SMARCC1: variants seen among roughly 807,000 people sequenced by gnomAD.
SMARCC1 encodes SWI/SNF related BAF chromatin remodeling complex subunit C1.
A neutral mutation model predicts 147.4 loss-of-function variants in SMARCC1; 43 were observed. That is an observed-to-expected ratio of 0.29 (90% CI 0.23 to 0.38). The LOEUF (loss-of-function observed/expected upper bound fraction) is 0.38, where lower values mean the gene tolerates loss of function less well. SMARCC1 is among the 10% of genes least tolerant of loss of function. The pLI, the probability that SMARCC1 is intolerant of heterozygous loss-of-function variation, is 1.00. For missense variants in SMARCC1, 1,119 were observed against 1,381.1 expected (o/e 0.81, Z 3.01); for synonymous variants, 495 against 484.4 (o/e 1.02, Z -0.29).
intron 14 of SMARCC1, among the ~76,000 whole-genome samples, chr3:47,685,286 T>C (rs1292093166): frequency 6.6e-6 from 1 of 152,192 alleles, no homozygotes; most frequent in Non-Finnish European, 1.5e-5. Context: ...GGCATGAAAC[T>C]GCAAGATTTC....
At chr3:47,697,768 G>A (rs1408475779) in intron 11 of SMARCC1, among the ~76,000 whole-genome samples, 1 of 151,656 alleles carries the variant, frequency 6.6e-6, no homozygotes, top group Non-Finnish European at 1.5e-5. Flanking sequence ...AGCACTTTGG[G>A]AGGCCAAGGC....
chr3:47,732,351 A>G (rs941406919), intron 5 of SMARCC1, among the ~76,000 whole-genome samples: 7 of 152,210 alleles, frequency 4.6e-5, no homozygotes, highest in Admixed American at 3.9e-4. Flanking sequence ...AAACTTTCTC[A>G]GTATCAGCAA....
At chr3:47,749,072 T>G (rs979813826) in intron 2 of SMARCC1, among the ~76,000 whole-genome samples, 3 of 148,516 alleles carry the variant, frequency 2.0e-5, no homozygotes, top group Non-Finnish European at 4.5e-5. Flanking sequence ...GGAGGCCGAG[T>G]TGGGTTGATC....
intron 1 of SMARCC1, among the ~76,000 whole-genome samples, chr3:47,780,253 C>CT (rs1475404370): frequency 2.2e-5 from 3 of 137,574 alleles, no homozygotes; most frequent in Non-Finnish European, 4.6e-5. Flanking sequence ...CTCACTGCAG[C>CT]TTCTGCCTCC....
intron 2 of SMARCC1, among the ~76,000 whole-genome samples, chr3:47,767,383 G>A (rs1201213504): frequency 1.4e-5 from 2 of 146,722 alleles, no homozygotes; most frequent in African/African-American, 5.0e-5. Flanking sequence ...TGGGATTACA[G>A]GCATGTACCA....
chr3:47,637,316 T>TTTA (rs1327740170), intron 22 of SMARCC1, among the ~76,000 whole-genome samples: 22 of 152,322 alleles, frequency 1.4e-4, no homozygotes, highest in African/African-American at 5.1e-4. Flanking sequence ...TATATACAAT[T>TTTA]TTAGAATACC....
In SMARCC1 at chr3:47,745,492, T is replaced by A. The variant is rs902572094; in HGVS notation, c.401+416A>T. 8.6e-5 allele frequency among the ~76,000 whole-genome samples: 13 copies of A among 151,716 alleles called. No homozygotes were observed. The South Asian group carries it at 1.0e-3, about 12-fold the overall frequency. The stretch of plus-strand genomic sequence containing the variant: ...CTTTGGGAGGCTGAGATGGGTGGAG[T>A]GCTTGAGGCCAGGAGTTTGAGAGCA... On this transcript the variant is annotated intron_variant, in intron 3 of 27. Transcript: ENST00000254480.
At chr3:47,749,058 T>G (rs2034598529) in intron 2 of SMARCC1, among the ~76,000 whole-genome samples, 1 of 152,138 alleles carries the variant, frequency 6.6e-6, no homozygotes, top group Non-Finnish European at 1.5e-5. Context: ...ATCCCAGCAC[T>G]TTGGGAGGCC....
intron 6 of SMARCC1, among the ~76,000 whole-genome samples, chr3:47,722,528 C>A (rs1017895236): frequency 2.6e-5 from 4 of 151,860 alleles, no homozygotes; most frequent in Non-Finnish European, 5.9e-5. Flanking sequence ...AACTCCTGAC[C>A]TCAGGTGATC....
intron 26 of SMARCC1, among the ~76,000 whole-genome samples, chr3:47,598,583 A>T (rs2032335849): frequency 6.6e-6 from 1 of 152,046 alleles, no homozygotes; most frequent in Non-Finnish European, 1.5e-5. Flanking sequence ...TAATCCCAGT[A>T]CTTTGGGAGG....
At chr3:47,688,282 T>C (rs2106771604) in intron 13 of SMARCC1, among the ~76,000 whole-genome samples, 1 of 144,588 alleles carries the variant, frequency 6.9e-6, no homozygotes, top group East Asian at 2.1e-4. Context: ...CAAAAAGAAG[T>C]GGCTCTTTGA....
intron 24 of SMARCC1, among the ~76,000 whole-genome samples, chr3:47,624,166 CT>C (rs1198755894): frequency 6.6e-6 from 1 of 151,962 alleles, no homozygotes; most frequent in African/African-American, 2.4e-5. Flanking sequence ...TGGTGCATGT[CT>C]GTAATCCCAG....
intron 10 of SMARCC1, 129 bp from the exon 11 acceptor site, chr3:47,701,531 T>C: frequency 1.1e-6 from 1 of 905,940 alleles, no homozygotes; most frequent in Non-Finnish European, 1.7e-6. Context: ...AGACAAACAG[T>C]AGGTCGGTCG....
intron 21 of SMARCC1, among the ~76,000 whole-genome samples, chr3:47,652,558 G>T (rs955361536): frequency 1.3e-5 from 2 of 151,390 alleles, no homozygotes; most frequent in Non-Finnish European, 2.9e-5. Flanking sequence ...GAGAGATTTA[G>T]GTTAAATTTC....
intron 26 of SMARCC1, among the ~76,000 whole-genome samples, chr3:47,596,149 T>C (rs2032276591): frequency 6.6e-6 from 1 of 152,076 alleles, no homozygotes. Flanking sequence ...GAGTCATGCA[T>C]GTAGAACAAG....
chr3:47,603,654 G>A, intron 26 of SMARCC1: 1 of 207,842 alleles, frequency 4.8e-6, no homozygotes, highest in Non-Finnish European at 9.8e-6. Flanking sequence ...ATCTGGAATG[G>A]CAGTCTTATA....
At position 47,596,879 on chromosome 3, in the gene SMARCC1, TTTTTA is replaced by T. The variant is rs879723032; in HGVS notation, c.3044-6047_3044-6043del. ...GCACTCTGCAAGTTCCTTCTTTTTT[TTTTTA>T]TTTTATTTTTTTAAAAGAGATGAGG... On this transcript the variant is annotated intron_variant, in intron 26 of 27. Transcript: ENST00000254480. 2.6e-5 allele frequency among the ~76,000 whole-genome samples: 4 copies of T among 152,142 alleles called. No homozygotes were observed. The South Asian group carries it at 6.2e-4, about 24-fold the overall frequency.
rs770285238 is a variant in SMARCC1 at position 47,693,263 on chromosome 3, T to C, written c.1203A>G (p.Lys401=). Residue 401 remains lysine, a synonymous_variant, in exon 12 of 28, where the codon AAA becomes AAG. Coordinates refer to ENST00000254480, the MANE Select transcript of SMARCC1 (RefSeq NM_003074.4). ...LKKDSENTPV[K]GGTVADLDEQ... ...TACCTAGATCCGCTACAGTTCCTCC[T>C]TTAACAGGTGTATTTTCACTATCTT... The C allele has an allele frequency of 5.3e-5, 85 of 1,590,798 alleles. 1 individual carries two copies. Among genetic ancestry groups the C allele is most frequent in the South Asian group, 8.8e-5 (8 of 90,554 alleles).
chr3:47,660,570 T>C (rs2033332385), intron 21 of SMARCC1, among the ~76,000 whole-genome samples: 3 of 151,794 alleles, frequency 2.0e-5, no homozygotes, highest in Non-Finnish European at 4.4e-5. Context: ...TACTGATGCA[T>C]GCTACAGCAT....
Sources: gnomAD v4.1 joint callset for allele counts (sites outside exome capture counted in the v4.1 genomes callset) on GRCh38, gnomAD v4.1.1 for gene constraint, MANE v1.5 for transcripts, NCBI Gene and HGNC (gene_info 2026-07-23, HGNC 2026-07-21) for gene names.